EPCAM: variants seen among roughly 807,000 people sequenced by gnomAD.
EPCAM encodes the protein epithelial cell adhesion molecule.
A neutral mutation model predicts 40.0 loss-of-function variants in EPCAM; 39 were observed. The observed-to-expected ratio is 0.98, with a 90% CI of 0.76 to 1.27. The LOEUF is 1.27. Among genes scored for constraint, EPCAM ranks in the 50% most tolerant of loss-of-function variants. The probability of loss-of-function intolerance (pLI) is 0.00; values close to 1 mark genes in which losing one functional copy is unlikely to be tolerated. For synonymous variants in EPCAM, 168 were observed against 132.3 expected (o/e 1.27, Z -1.85); for missense variants, 503 against 381.2 (o/e 1.32, Z -2.66).
Position 47,386,673 on chromosome 2 carries a change from TGTGTGCGTGGGACG to T in EPCAM, c.*61_*74del. 1 of 1,314,722 alleles carries T rather than the reference TGTGTGCGTGGGACG, an allele frequency of 7.6e-7. No individual in the cohort carries two copies. The highest frequency in any genetic ancestry group is 1.1e-6 in the Non-Finnish European group (1 of 910,020). 81.4% of individuals were successfully genotyped at this position (1,314,722 alleles called of 1,614,324 possible). On this transcript the variant is annotated 3_prime_UTR_variant, in exon 9 of 9. Coordinates refer to ENST00000263735, the MANE Select transcript of EPCAM (RefSeq NM_002354.3). ...AGCAAATGGACACAAATTACAAATG[TGTGTGCGTGGGACG>T]AAGACATCTTTGAAGGTCATGAGTT...
intron 7 of EPCAM, among the ~76,000 whole-genome samples, chr2:47,380,885 T>A (rs1251390704): frequency 6.6e-6 from 1 of 151,742 alleles, no homozygotes; most frequent in Non-Finnish European, 1.5e-5. Context: ...GATCAGAAGT[T>A]CGAGACCAGC....
chr2:47,382,574 T>C (rs1477682278), intron 7 of EPCAM, among the ~76,000 whole-genome samples: 1 of 152,146 alleles, frequency 6.6e-6, no homozygotes, highest in African/African-American at 2.4e-5. Context: ...TCATTCTGGC[T>C]ACTCAGGAGG....
intron 7 of EPCAM, chr2:47,383,305 G>GAAA (rs372391242): frequency 4.8e-5 from 6 of 124,154 alleles, no homozygotes; most frequent in Non-Finnish European, 8.5e-5. Context: ...GACTCCATCT[G>GAAA]AAAAAAAAAA....
chr2:47,385,412 T>G (rs1671718309), intron 8 of EPCAM, among the ~76,000 whole-genome samples: 1 of 152,232 alleles, frequency 6.6e-6, no homozygotes, highest in Non-Finnish European at 1.5e-5. Context: ...ATCTGTTTTC[T>G]GCCTCATAGA....
intron 1 of EPCAM, among the ~76,000 whole-genome samples, chr2:47,371,563 AC>A (rs1671268184): frequency 6.6e-6 from 1 of 152,190 alleles, no homozygotes; most frequent in South Asian, 2.1e-4. Flanking sequence ...GTTTTAGTCA[AC>A]TCATGTTTTT....
In EPCAM at chr2:47,374,057, GGCTGCC is replaced by G; in HGVS notation, c.425+10_425+15del. The G allele has an allele frequency of 6.2e-7, 1 of 1,614,010 alleles. No homozygotes were observed. Among genetic ancestry groups the G allele is most frequent in the Non-Finnish European group, 8.5e-7 (1 of 1,179,958 alleles). ...GAGCGAGTGAGAACCTAGTGAGTGG[GGCTGCC>G]TATACTACTTGTTTTCATGCTGTTC... On this transcript the variant is annotated intron_variant, in intron 3 of 8. Transcript: ENST00000263735.
intron 1 of EPCAM, 49 bp downstream of exon 1, chr2:47,369,630 G>T: frequency 6.6e-7 from 1 of 1,518,458 alleles, no homozygotes; most frequent in Non-Finnish European, 9.0e-7. Context: ...GGGCTGGGGG[G>T]CAGCGGCCCC....
chr2:47,373,170 A>G (rs953224012), intron 1 of EPCAM, among the ~76,000 whole-genome samples: 4 of 140,954 alleles, frequency 2.8e-5, no homozygotes, highest in Non-Finnish European at 4.5e-5. Flanking sequence ...GTGCCACTGC[A>G]TTCCAGCCTG....
chr2:47,386,631 T>G lies in EPCAM; in HGVS notation c.*18T>G. The G allele has an allele frequency of 3.2e-6, 5 of 1,575,328 alleles. No individual in the cohort carries two copies. The highest frequency in any genetic ancestry group is 2.7e-5 in the African/African-American group (2 of 74,244). On this transcript the variant is annotated 3_prime_UTR_variant, in exon 9 of 9. Transcript: ENST00000263735. ...ATGCATAACTATATAATTTGAAGAT[T>G]ATAGAAGAAGGGAAATAGCAAATGG...
At chr2:47,380,205 A>C (rs1365261202) in intron 7 of EPCAM, among the ~76,000 whole-genome samples, 1 of 152,052 alleles carries the variant, frequency 6.6e-6, no homozygotes, top group Admixed American at 6.6e-5. Flanking sequence ...GGTCCCATCT[A>C]CTTAGGAGGC....
chr2:47,371,352 C>A (rs888417534), intron 1 of EPCAM, among the ~76,000 whole-genome samples: 4 of 152,010 alleles, frequency 2.6e-5, no homozygotes, highest in Non-Finnish European at 5.9e-5. Context: ...CCTCCATTTC[C>A]CAGGCTCAAG....
chr2:47,372,828 A>C (rs184191571), intron 1 of EPCAM, among the ~76,000 whole-genome samples: 1 of 152,100 alleles, frequency 6.6e-6, no homozygotes, highest in African/African-American at 2.4e-5. Flanking sequence ...GCAGGACAGG[A>C]CTGTGGAAGG....
In EPCAM at chr2:47,369,423, G is replaced by C. The variant is rs921798972; in HGVS notation, c.-83G>C. 7.8e-7 allele frequency: 1 copy of C among 1,287,570 alleles called. No homozygotes were observed. Among genetic ancestry groups the C allele is most frequent in the African/African-American group, 1.6e-5 (1 of 63,986 alleles). The allele number at this position is 1,287,570 out of a possible 1,614,324, so 79.8% of individuals were successfully genotyped here. On this transcript the variant is annotated 5_prime_UTR_variant, in exon 1 of 9. Coordinates refer to ENST00000263735, the MANE Select transcript of EPCAM (RefSeq NM_002354.3). Reference sequence around the variant, plus strand: ...CCCCAGGCCTCGCGCTGCCCGGCCGGCTCCTCGTGTCCCACTCCCGGCGCA... The same window carrying C: ...CCCCAGGCCTCGCGCTGCCCGGCCGCCTCCTCGTGTCCCACTCCCGGCGCA...
At chr2:47,382,649 G>A (rs544101876) in intron 7 of EPCAM, among the ~76,000 whole-genome samples, 23 of 152,284 alleles carry the variant, frequency 1.5e-4, no homozygotes, top group African/African-American at 4.6e-4. Context: ...TCATGTCATT[G>A]CACTCCAGCC....
At chr2:47,377,826 A>T (rs1671466507) in intron 5 of EPCAM, 2 of 440,500 alleles carry the variant, frequency 4.5e-6, no homozygotes, top group South Asian at 1.7e-5. Context: ...TTAACTCTTT[A>T]AACTCTGGTT....
At chr2:47,374,513 T>C (rs182670827) in intron 3 of EPCAM, among the ~76,000 whole-genome samples, 11 of 152,312 alleles carry the variant, frequency 7.2e-5, no homozygotes, top group Non-Finnish European at 1.5e-4. Flanking sequence ...AAAGACTTCA[T>C]TGGAAGGGAC....
chr2:47,383,609 T>TC (rs1217583860), intron 7 of EPCAM, among the ~76,000 whole-genome samples: 27 of 19,734 alleles, frequency 1.4e-3, no homozygotes, highest in African/African-American at 8.4e-3. Flanking sequence ...GGCTTCTTCT[T>TC]TTTTTTTTTT....
At chr2:47,382,282 G>A (rs948140019) in intron 7 of EPCAM, among the ~76,000 whole-genome samples, 5 of 152,146 alleles carry the variant, frequency 3.3e-5, no homozygotes, top group Admixed American at 6.6e-5. Context: ...AATTTCAGAT[G>A]GCAAATGAAC....
chr2:47,373,260 T>G (rs1049044815), intron 1 of EPCAM, among the ~76,000 whole-genome samples: 2 of 142,790 alleles, frequency 1.4e-5, no homozygotes, highest in Non-Finnish European at 3.0e-5. Context: ...GATTAAACTA[T>G]GTGTCTGTAT....
Sources: gnomAD v4.1 joint callset for allele counts (sites outside exome capture counted in the v4.1 genomes callset) on GRCh38, gnomAD v4.1.1 for gene constraint, MANE v1.5 for transcripts, NCBI Gene and HGNC (gene_info 2026-07-23, HGNC 2026-07-21) for gene names.